The following ADGRE1 variants were observed in gnomAD, a reference collection of about 807,000 sequenced individuals.
ADGRE1 encodes adhesion G protein-coupled receptor E1.
In ADGRE1, 82 loss-of-function variants were observed where a neutral mutation model predicts 102.7. That is an observed-to-expected ratio of 0.80 (90% CI 0.67 to 0.96). ADGRE1 has a LOEUF of 0.96. Among genes scored for constraint, ADGRE1 ranks in the 40% least tolerant of loss-of-function variants. ADGRE1 has a pLI of 0.00. For synonymous variants in ADGRE1, 398 were observed against 399.6 expected, an observed-to-expected ratio of 1.00 and a Z score of 0.05; for missense variants, 1,032 against 1,085.3, an observed-to-expected ratio of 0.95 and a Z score of 0.69.
chr19:6,889,416 C>A (rs145759650), intron 1 of ADGRE1, among the ~76,000 whole-genome samples: 5 of 151,864 alleles, frequency 3.3e-5, no homozygotes, highest in Admixed American at 6.6e-5. Context: ...ATGGGCAGGG[C>A]GCAGTGGCTC....
intron 12 of ADGRE1, among the ~76,000 whole-genome samples, chr19:6,918,487 G>A (rs980695368): frequency 6.6e-6 from 1 of 152,022 alleles, no homozygotes; most frequent in Non-Finnish European, 1.5e-5. Flanking sequence ...TATGATGTCT[G>A]GGGGGACATC....
intron 13 of ADGRE1, 76 bp downstream of exon 13, chr19:6,919,823 AT>A: frequency 1.4e-6 from 2 of 1,432,900 alleles, no homozygotes; most frequent in Non-Finnish European, 1.9e-6. Flanking sequence ...CTTAACTCTC[AT>A]TTTTTACGGG....
At chr19:6,891,488 C>G (rs1973370198) in intron 2 of ADGRE1, among the ~76,000 whole-genome samples, 1 of 149,876 alleles carries the variant, frequency 6.7e-6, no homozygotes, top group South Asian at 2.1e-4. Flanking sequence ...GATTCTCGCT[C>G]TGTTGCCCAG....
At chr19:6,915,844 C>A (rs578056213) in intron 11 of ADGRE1, among the ~76,000 whole-genome samples, 2 of 146,914 alleles carry the variant, frequency 1.4e-5, no homozygotes, top group East Asian at 2.1e-4. Flanking sequence ...TGGCGTGAAC[C>A]CGGGAGGCAG....
intron 16 of ADGRE1, among the ~76,000 whole-genome samples, chr19:6,927,676 C>T (rs546581624): frequency 1.3e-5 from 2 of 151,922 alleles, no homozygotes; most frequent in South Asian, 4.1e-4. Flanking sequence ...ATTTATTTAT[C>T]TTGAGACAGA....
At chr19:6,893,434 C>T (rs1973445938) in intron 2 of ADGRE1, among the ~76,000 whole-genome samples, 1 of 152,196 alleles carries the variant, frequency 6.6e-6, no homozygotes, top group Non-Finnish European at 1.5e-5. Flanking sequence ...CTCCCGATCT[C>T]AGGTGATCTG....
At chr19:6,890,790 A>G (rs1191788031) in intron 2 of ADGRE1, among the ~76,000 whole-genome samples, 3 of 152,192 alleles carry the variant, frequency 2.0e-5, no homozygotes, top group African/African-American at 7.2e-5. Context: ...TGTGAAATAC[A>G]GATAACAATA....
Position 6,924,801 on chromosome 19 carries a change from C to G in ADGRE1, c.1915C>G (p.Leu639Val). The G allele has an allele frequency of 1.2e-6, 2 of 1,614,188 alleles. No individual in the cohort carries two copies. The highest frequency in any genetic ancestry group is 1.1e-5 in the South Asian group (1 of 91,088). ...SIRNHNTYLH[L>V]HLCVCLLLAK... ...CCGAAATCACAACACCTACCTCCAC[C>G]TGCACCTCTGCGTGTGTCTCCTCTT... Residue 639 changes from leucine to valine, a missense_variant, in exon 15 of 21, where the codon CTG (leucine) becomes GTG (valine). Transcript: ENST00000312053.
intron 20 of ADGRE1, among the ~76,000 whole-genome samples, chr19:6,938,569 A>G (rs1462003411): frequency 6.6e-6 from 1 of 151,844 alleles, no homozygotes; most frequent in African/African-American, 2.4e-5. Context: ...CTTAGTGAAT[A>G]TTTTCTGAGT....
chr19:6,909,132 TCA>T (rs1974080447), intron 10 of ADGRE1, among the ~76,000 whole-genome samples: 4 of 111,958 alleles, frequency 3.6e-5, no homozygotes, highest in African/African-American at 1.7e-4. Flanking sequence ...AGACTCCATC[TCA>T]AAAAAAAAAA....
intron 1 of ADGRE1, among the ~76,000 whole-genome samples, chr19:6,889,416 C>T (rs145759650): frequency 5.3e-5 from 8 of 151,982 alleles, no homozygotes; most frequent in East Asian, 1.9e-4. Context: ...ATGGGCAGGG[C>T]GCAGTGGCTC....
intron 10 of ADGRE1, among the ~76,000 whole-genome samples, chr19:6,911,598 T>TA (rs1310121623): frequency 6.7e-6 from 1 of 149,608 alleles, no homozygotes. Context: ...TGTACACACA[T>TA]ACACACATAT....
intron 5 of ADGRE1, chr19:6,898,461 T>G: frequency 6.3e-7 from 1 of 1,592,396 alleles, no homozygotes; most frequent in Non-Finnish European, 8.6e-7. Flanking sequence ...TCTCCTGTAC[T>G]GGTGATGCCC....
intron 17 of ADGRE1, among the ~76,000 whole-genome samples, chr19:6,934,065 C>T (rs1316726691): frequency 1.3e-5 from 2 of 152,032 alleles, no homozygotes; most frequent in African/African-American, 2.4e-5. Context: ...TCCAGTAGTA[C>T]GAGAGTCAGC....
At chr19:6,929,189 A>G (rs1482261458) in intron 17 of ADGRE1, among the ~76,000 whole-genome samples, 6 of 152,260 alleles carry the variant, frequency 3.9e-5, no homozygotes, top group Non-Finnish European at 5.9e-5. Flanking sequence ...GACACACACA[A>G]GGAGTGAGTT....
At chr19:6,930,473 A>G (rs556239713) in intron 17 of ADGRE1, among the ~76,000 whole-genome samples, 93 of 152,266 alleles carry the variant, frequency 6.1e-4, no homozygotes, top group African/African-American at 2.2e-3. Flanking sequence ...GCACAAAGTA[A>G]GTGTATATAT....
chr19:6,903,972 C>A (rs1387781073), intron 7 of ADGRE1, 22 bp downstream of exon 7: 13 of 1,614,124 alleles, frequency 8.1e-6, no homozygotes, highest in Non-Finnish European at 1.0e-5. Context: ...GTTTGATGGA[C>A]AATCCAGAAA....
intron 17 of ADGRE1, among the ~76,000 whole-genome samples, chr19:6,933,385 C>CTTTTTTTTTT (rs34493324): frequency 7.7e-6 from 1 of 129,896 alleles, no homozygotes; most frequent in African/African-American, 2.9e-5. Context: ...AGTGTGAAGA[C>CTTTTTTTTTT]TTTTTTTTTT....
chr19:6,895,086 G>A (rs1022169051), intron 2 of ADGRE1: 4 of 152,108 alleles, frequency 2.6e-5, no homozygotes, highest in African/African-American at 7.2e-5. Context: ...TTGCCTAGGA[G>A]GTCATTCCAT....
Sources: gnomAD v4.1 joint callset for allele counts (sites outside exome capture counted in the v4.1 genomes callset) on GRCh38, gnomAD v4.1.1 for gene constraint, MANE v1.5 for transcripts, NCBI Gene and HGNC (gene_info 2026-07-23, HGNC 2026-07-21) for gene names.